KAZN: variants seen among roughly 807,000 people sequenced by gnomAD.
The protein encoded by KAZN is kazrin.
Under a neutral mutation model 87.4 loss-of-function variants are expected in KAZN, and 40 were observed. The ratio of observed to expected loss-of-function variants is 0.46; its 90% CI spans 0.36 to 0.60. The LOEUF is 0.60. Among genes scored for constraint, KAZN ranks in the 20% least tolerant of loss-of-function variants. The pLI, the probability that KAZN is intolerant of heterozygous loss-of-function variation, is 0.00. For synonymous variants in KAZN, 466 were observed against 458.3 expected (o/e 1.02, Z -0.22); for missense variants, 898 against 1,073.9 (o/e 0.84, Z 2.29).
At chr1:14,692,961 C>T (rs1020426989) in intron 1 of KAZN, among the ~76,000 whole-genome samples, 1 of 152,046 alleles carries the variant, frequency 6.6e-6, no homozygotes, top group African/African-American at 2.4e-5. Context: ...CAGGCAGAGA[C>T]ACCAGTTTCT....
chr1:14,778,525 T>A (rs1412180195), intron 1 of KAZN, among the ~76,000 whole-genome samples: 1 of 152,094 alleles, frequency 6.6e-6, no homozygotes, highest in Non-Finnish European at 1.5e-5. Flanking sequence ...CTTGGCCAAG[T>A]GGAGATCCGT....
At chr1:14,580,894 C>A (rs1406165834) in intron 2 of KAZN, among the ~76,000 whole-genome samples, 2 of 152,114 alleles carry the variant, frequency 1.3e-5, no homozygotes, top group Non-Finnish European at 2.9e-5. Context: ...TTAACAGGGC[C>A]TCCTTCAAAC....
At chr1:14,334,906 G>C (rs1247494299) in intron 2 of KAZN, among the ~76,000 whole-genome samples, 1 of 149,912 alleles carries the variant, frequency 6.7e-6, no homozygotes, top group African/African-American at 2.5e-5. Context: ...CACAAACTCA[G>C]AGAGAAATAG....
intron 2 of KAZN, among the ~76,000 whole-genome samples, chr1:14,459,041 T>G (rs1173470852): frequency 6.6e-6 from 1 of 152,186 alleles, no homozygotes; most frequent in East Asian, 1.9e-4. Flanking sequence ...GCCCCGTTAC[T>G]TGCTTCCTGC....
intron 2 of KAZN, among the ~76,000 whole-genome samples, chr1:14,999,498 C>A (rs1433016133): frequency 7.2e-6 from 1 of 138,098 alleles, no homozygotes; most frequent in East Asian, 2.0e-4. Flanking sequence ...TTGCCTGCCC[C>A]CCTCCCCCCG....
At chr1:15,061,998 C>G (rs908077813) in intron 6 of KAZN, 1 of 152,182 alleles carries the variant, frequency 6.6e-6, no homozygotes, top group Non-Finnish European at 1.5e-5. Flanking sequence ...GGAGTTATAC[C>G]TACAGCCAGC....
At chr1:14,974,173 G>A (rs1483333644) in intron 2 of KAZN, among the ~76,000 whole-genome samples, 1 of 151,856 alleles carries the variant, frequency 6.6e-6, no homozygotes, top group Non-Finnish European at 1.5e-5. Context: ...AGGGCTCCAG[G>A]AAACCAAGTG....
intron 2 of KAZN, among the ~76,000 whole-genome samples, chr1:14,353,274 G>A (rs896548914): frequency 6.0e-5 from 9 of 150,860 alleles, no homozygotes; most frequent in African/African-American, 2.2e-4. Context: ...ACCCAGGCTG[G>A]AGTGCAGTGG....
chr1:14,883,413 A>AAGAT (rs1159920861), intron 1 of KAZN, among the ~76,000 whole-genome samples: 3 of 146,618 alleles, frequency 2.0e-5, no homozygotes, highest in Non-Finnish European at 3.0e-5. Context: ...GAAAGAAAGA[A>AAGAT]AGAAAGAAAG....
chr1:14,529,176 C>T (rs1007824459), intron 2 of KAZN, among the ~76,000 whole-genome samples: 34 of 152,074 alleles, frequency 2.2e-4, no homozygotes, highest in African/African-American at 8.2e-4. Context: ...TGGTGGCAGG[C>T]ACCTGTAATC....
chr1:14,388,097 C>G (rs1399746261), intron 2 of KAZN, among the ~76,000 whole-genome samples: 5 of 152,344 alleles, frequency 3.3e-5, no homozygotes, highest in African/African-American at 1.2e-4. Context: ...TCTGTCACCC[C>G]TTTCTTTGAC....
At chr1:14,217,017 A>G (rs1032116785) in intron 2 of KAZN, among the ~76,000 whole-genome samples, 8 of 152,210 alleles carry the variant, frequency 5.3e-5, no homozygotes, top group Non-Finnish European at 4.4e-5. Flanking sequence ...TGTTGAAACT[A>G]ATTGCCATTA....
intron 3 of KAZN, among the ~76,000 whole-genome samples, chr1:15,036,086 T>C: frequency 6.6e-6 from 1 of 151,960 alleles, no homozygotes; most frequent in Non-Finnish European, 1.5e-5. Context: ...GCACATCACT[T>C]CCTTTCTATG....
intron 2 of KAZN, among the ~76,000 whole-genome samples, chr1:14,208,428 G>T (rs750163866): frequency 6.6e-6 from 1 of 151,998 alleles, no homozygotes; most frequent in African/African-American, 2.4e-5. Context: ...TCGTTGACTC[G>T]TTCACTTATT....
At chr1:14,201,013 CGCATGGCCTCTCCTGGT>C (rs1198893672) in intron 2 of KAZN, among the ~76,000 whole-genome samples, 4 of 152,214 alleles carry the variant, frequency 2.6e-5, no homozygotes, top group Non-Finnish European at 5.9e-5. Flanking sequence ...CTTTGATTGG[CGCATGGCCTCTCCTGGT>C]GCATGGCCTC....
intron 1 of KAZN, among the ~76,000 whole-genome samples, chr1:14,892,281 C>T (rs915937096): frequency 6.6e-5 from 10 of 152,112 alleles, no homozygotes; most frequent in South Asian, 4.1e-4. Context: ...CCCCGGGGCT[C>T]GCCTCCAGCC....
intron 1 of KAZN, among the ~76,000 whole-genome samples, chr1:14,855,975 A>C (rs1484225209): frequency 6.6e-6 from 1 of 152,234 alleles, no homozygotes; most frequent in Admixed American, 6.5e-5. Flanking sequence ...TTTTTCAATA[A>C]GCCACCAAAA....
intron 1 of KAZN, among the ~76,000 whole-genome samples, chr1:14,129,574 C>T (rs549418190): frequency 6.6e-6 from 1 of 152,178 alleles, no homozygotes; most frequent in Non-Finnish European, 1.5e-5. Flanking sequence ...GGCTGTGCTG[C>T]GTCTTTGCAG....
At chr1:15,097,201 A>C (rs1296138457) in intron 10 of KAZN, among the ~76,000 whole-genome samples, 4 of 152,078 alleles carry the variant, frequency 2.6e-5, no homozygotes, top group African/African-American at 9.7e-5. Flanking sequence ...AGCTTTTGAC[A>C]CTTTCTCTAG....
Sources: allele counts gnomAD v4.1 joint callset (sites outside exome capture counted in the v4.1 genomes callset), GRCh38; gene constraint gnomAD v4.1.1; transcripts MANE v1.5; gene names NCBI Gene and HGNC (gene_info 2026-07-23, HGNC 2026-07-21).